The following STK39 variants were observed in gnomAD, a reference collection of about 807,000 sequenced individuals.
STK39 encodes serine/threonine kinase 39.
A neutral mutation model predicts 77.8 loss-of-function variants in STK39; 20 were observed. The observed-to-expected ratio is 0.26, with a 90% CI of 0.18 to 0.37. The LOEUF is 0.37. STK39 is among the 10% of genes least tolerant of loss of function. The pLI is 1.00. For missense variants in STK39, 479 were observed against 656.5 expected (o/e 0.73, Z 2.95); for synonymous variants, 246 against 234.1 (o/e 1.05, Z -0.47).
At chr2:168,217,644 CT>C (rs1690059399) in intron 1 of STK39, among the ~76,000 whole-genome samples, 1 of 152,182 alleles carries the variant, frequency 6.6e-6, no homozygotes, top group Admixed American at 6.5e-5. Flanking sequence ...CTATGCATAT[CT>C]TCCTGTATAC....
At chr2:167,983,481 G>A (rs1183765449) in intron 16 of STK39, among the ~76,000 whole-genome samples, 4 of 2,948 alleles carry the variant, frequency 1.4e-3, no homozygotes, top group Admixed American at 9.4e-3. Context: ...GAAATGAAAG[G>A]AAGGAAGGAA....
chr2:168,105,668 A>G (rs562535055), intron 10 of STK39, among the ~76,000 whole-genome samples: 1 of 152,376 alleles, frequency 6.6e-6, no homozygotes, highest in Non-Finnish European at 1.5e-5. Flanking sequence ...CATAGGAAAT[A>G]CCAATTGTGT....
intron 14 of STK39, among the ~76,000 whole-genome samples, chr2:168,038,664 C>T (rs1685020065): frequency 6.6e-6 from 1 of 151,960 alleles, no homozygotes; most frequent in Non-Finnish European, 1.5e-5. Flanking sequence ...TATTTATTAT[C>T]CATATGTATC....
At chr2:168,049,857 T>C (rs1685348559) in intron 14 of STK39, among the ~76,000 whole-genome samples, 1 of 152,194 alleles carries the variant, frequency 6.6e-6, no homozygotes, top group African/African-American at 2.4e-5. Flanking sequence ...TTGTTTGTAA[T>C]AGTGAAGCGT....
At chr2:168,137,176 AC>A (rs1419515649) in intron 8 of STK39, among the ~76,000 whole-genome samples, 2 of 152,246 alleles carry the variant, frequency 1.3e-5, no homozygotes, top group Non-Finnish European at 2.9e-5. Flanking sequence ...ATCATTTCTA[AC>A]AGCAGAGTCC....
chr2:167,990,056 TA>T (rs964820730), intron 16 of STK39, among the ~76,000 whole-genome samples: 23 of 145,388 alleles, frequency 1.6e-4, no homozygotes, highest in African/African-American at 3.3e-4. Context: ...AACTAAACTG[TA>T]AAAAAAAAAA....
chr2:167,985,649 T>G (rs1167906931), intron 16 of STK39, among the ~76,000 whole-genome samples: 1 of 152,118 alleles, frequency 6.6e-6, no homozygotes, highest in African/African-American at 2.4e-5. Context: ...GGTGGACACA[T>G]GACATTATTT....
intron 10 of STK39, among the ~76,000 whole-genome samples, chr2:168,092,115 T>C (rs1171751821): frequency 6.6e-6 from 1 of 152,212 alleles, no homozygotes; most frequent in African/African-American, 2.4e-5. Flanking sequence ...TCATATCCAC[T>C]TAAACAAGCT....
Position 168,164,617 on chromosome 2 carries a change from T to TGGTAAGTAA in STK39, c.431-738_431-737insTTACTTACC, listed in dbSNP as rs1461422038. 4.9e-4 allele frequency among the ~76,000 whole-genome samples: 75 copies of TGGTAAGTAA among 151,842 alleles called. 1 individual carries two copies. The South Asian group carries it at 6.0e-3, about 12-fold the overall frequency. Reference sequence around the variant, plus strand: ...AGATGGGGTCTTACCACGTTGCCCATGCCGGTCTTGAACTTCTGGGCTTAA... The same window carrying TGGTAAGTAA: ...AGATGGGGTCTTACCACGTTGCCCATGGTAAGTAAGCCGGTCTTGAACTTCTGGGCTTAA... On this transcript the variant is annotated intron_variant, in intron 3 of 17. Coordinates refer to ENST00000355999, the MANE Select transcript of STK39 (RefSeq NM_013233.3).
intron 10 of STK39, among the ~76,000 whole-genome samples, chr2:168,108,636 A>G (rs543795053): frequency 6.6e-6 from 1 of 152,264 alleles, no homozygotes; most frequent in Non-Finnish European, 1.5e-5. Context: ...CATGGAGTCC[A>G]TAAAGGTCAT....
chr2:168,168,184 TA>T (rs991049044), intron 2 of STK39, among the ~76,000 whole-genome samples: 3 of 152,260 alleles, frequency 2.0e-5, no homozygotes, highest in African/African-American at 7.2e-5. Context: ...CTGTAGAGAA[TA>T]AAATATATTT....
intron 1 of STK39, among the ~76,000 whole-genome samples, chr2:168,210,179 T>C (rs1689855963): frequency 6.6e-6 from 1 of 152,188 alleles, no homozygotes; most frequent in African/African-American, 2.4e-5. Flanking sequence ...TAGGCATATA[T>C]GTGCTTACTT....
chr2:168,081,112 G>T (rs1312528984), intron 10 of STK39, among the ~76,000 whole-genome samples: 1 of 152,176 alleles, frequency 6.6e-6, no homozygotes, highest in Non-Finnish European at 1.5e-5. Context: ...TTGGGGCACT[G>T]CCTAGTGGAG....
intron 16 of STK39, among the ~76,000 whole-genome samples, chr2:167,998,850 C>T (rs1337210005): frequency 6.6e-6 from 1 of 152,200 alleles, no homozygotes; most frequent in Non-Finnish European, 1.5e-5. Context: ...GCTTGTCTAT[C>T]TGTGGTTCCT....
chr2:168,234,489 C>T (rs1005366558), intron 1 of STK39, among the ~76,000 whole-genome samples: 2 of 152,156 alleles, frequency 1.3e-5, no homozygotes, highest in African/African-American at 2.4e-5. Context: ...ATATCAGCCC[C>T]GCATAAGGGA....
chr2:168,237,713 G>A (rs889116383), intron 1 of STK39, among the ~76,000 whole-genome samples: 1 of 152,124 alleles, frequency 6.6e-6, no homozygotes, highest in Non-Finnish European at 1.5e-5. Flanking sequence ...TTCAACTTTG[G>A]CCATTAGAGA....
chr2:168,191,236 C>T (rs16855092), intron 1 of STK39, among the ~76,000 whole-genome samples: 11,362 of 152,178 alleles, frequency 0.075, 1,015 homozygotes, highest in East Asian at 0.24. Context: ...GACATGCGGA[C>T]AATACCCAGT....
intron 1 of STK39, among the ~76,000 whole-genome samples, chr2:168,183,566 T>C (rs1689137006): frequency 6.6e-6 from 1 of 152,208 alleles, no homozygotes; most frequent in African/African-American, 2.4e-5. Flanking sequence ...CCTTCCTCAC[T>C]TGTTTTGGCC....
intron 1 of STK39, among the ~76,000 whole-genome samples, chr2:168,235,827 G>A (rs1485728991): frequency 6.6e-6 from 1 of 151,978 alleles, no homozygotes; most frequent in Non-Finnish European, 1.5e-5. Flanking sequence ...GTGTATATGT[G>A]CCACATTTTC....
Sources: gnomAD v4.1 joint callset for allele counts (sites outside exome capture counted in the v4.1 genomes callset) on GRCh38, gnomAD v4.1.1 for gene constraint, MANE v1.5 for transcripts, NCBI Gene and HGNC (gene_info 2026-07-23, HGNC 2026-07-21) for gene names.